DIO1: variants seen among roughly 807,000 people sequenced by gnomAD.
DIO1 encodes the protein type I iodothyronine deiodinase.
A neutral mutation model predicts 25.9 loss-of-function variants in DIO1; 17 were observed. That is an observed-to-expected ratio of 0.66 (90% CI 0.45 to 0.98). The LOEUF is 0.98. Among genes scored for constraint, DIO1 ranks in the 50% least tolerant of loss-of-function variants. DIO1 has a pLI of 0.00. For missense variants in DIO1, 270 were observed against 310.4 expected, an observed-to-expected ratio of 0.87 and a Z score of 0.98; for synonymous variants, 115 against 114.0, an observed-to-expected ratio of 1.01 and a Z score of -0.05.
At chr1:53,896,011 C>T (rs1651053300) in intron 1 of DIO1, among the ~76,000 whole-genome samples, 1 of 152,084 alleles carries the variant, frequency 6.6e-6, no homozygotes, top group African/African-American at 2.4e-5. Context: ...TCTCCTTGGA[C>T]ACTGCTGCTT....
chr1:53,898,831 T>C (rs1230634277), intron 1 of DIO1, among the ~76,000 whole-genome samples: 3 of 151,576 alleles, frequency 2.0e-5, no homozygotes, highest in African/African-American at 7.3e-5. Context: ...GCTTTGGGTA[T>C]AAACTCTGAA....
At chr1:53,898,340 G>C (rs1651183738) in intron 1 of DIO1, among the ~76,000 whole-genome samples, 1 of 152,174 alleles carries the variant, frequency 6.6e-6, no homozygotes, top group South Asian at 2.1e-4. Context: ...TCAGGAACCA[G>C]AGCTTACGGG....
Position 53,904,792 on chromosome 1 carries a change from A to G in DIO1, c.464A>G (p.Glu155Gly). Residue 155 changes from glutamate (E) to glycine (G), a missense_variant, in exon 2 of 4, where the codon GAA (glutamate) becomes GGA (glycine). Coordinates refer to ENST00000361921, the MANE Select transcript of DIO1 (RefSeq NM_000792.7). ...SIADFLVIYIEEAHASDGWAF... is the reference protein window; with the variant it reads ...SIADFLVIYIGEAHASDGWAF... ...GCAGATTTTCTTGTCATTTACATTG[A>G]AGAAGCACATGCATCAGGTACAGAA... 1 of 1,612,338 alleles carries G rather than the reference A, an allele frequency of 6.2e-7. No individual in the cohort carries two copies. Among genetic ancestry groups the G allele is most frequent in the Non-Finnish European group, 8.5e-7 (1 of 1,179,248 alleles).
intron 1 of DIO1, among the ~76,000 whole-genome samples, chr1:53,897,066 T>A (rs1293205837): frequency 2.0e-5 from 3 of 152,262 alleles, no homozygotes; most frequent in African/African-American, 7.2e-5. Context: ...ATTTGCTGAA[T>A]GCCAGTCATC....
intron 3 of DIO1, among the ~76,000 whole-genome samples, chr1:53,908,083 A>G (rs1464135141): frequency 6.8e-6 from 1 of 146,086 alleles, no homozygotes; most frequent in African/African-American, 2.5e-5. Context: ...TTAGCCAGGC[A>G]TGGTGGCATG....
intron 1 of DIO1, among the ~76,000 whole-genome samples, chr1:53,898,680 G>A (rs1651203790): frequency 6.8e-6 from 1 of 146,384 alleles, no homozygotes; most frequent in African/African-American, 2.5e-5. Flanking sequence ...GGGAGGTGGA[G>A]TTTGTAGTGA....
At chr1:53,898,826 G>T (rs1287431337) in intron 1 of DIO1, among the ~76,000 whole-genome samples, 1 of 151,794 alleles carries the variant, frequency 6.6e-6, no homozygotes, top group African/African-American at 2.4e-5. Flanking sequence ...TGTATGCTTT[G>T]GGTATAAACT....
At chr1:53,900,758 A>G (rs1348000891) in intron 1 of DIO1, among the ~76,000 whole-genome samples, 1 of 152,010 alleles carries the variant, frequency 6.6e-6, no homozygotes, top group Admixed American at 6.6e-5. Flanking sequence ...AACCCTGTCA[A>G]TTCTGCCTTC....
At position 53,909,976 on chromosome 1, in the gene DIO1, G is replaced by C; in HGVS notation, c.727G>C (p.Val243Leu). The change falls in exon 4 of 4, where the codon GTT (valine) becomes CTT (leucine). Residue 243 changes from valine to leucine, a missense_variant. Coordinates refer to ENST00000361921, the MANE Select transcript of DIO1 (RefSeq NM_000792.7). Reference protein sequence around the residue: ...WNYNPEEVRAVLEKLHS With the variant: ...WNYNPEEVRALLEKLHS ...CTACAACCCAGAGGAAGTTCGTGCT[G>C]TTCTGGAAAAGCTCCACAGTTAATC... 1 of 1,614,190 alleles carries C rather than the reference G, an allele frequency of 6.2e-7. No homozygotes were observed. Among genetic ancestry groups the C allele is most frequent in the African/African-American group, 1.3e-5 (1 of 75,050 alleles).
chr1:53,908,087 T>G lies in DIO1; in HGVS notation c.681+1793T>G, dbSNP rs1651751809. ...AAATACAAAAATTAGCCAGGCATGG[T>G]GGCATGTGCCTATAATCCCAGCTAC... On this transcript the variant is annotated intron_variant, in intron 3 of 3. Coordinates refer to ENST00000361921, the MANE Select transcript of DIO1 (RefSeq NM_000792.7). 2.6e-5 allele frequency among the ~76,000 whole-genome samples: 4 copies of G among 151,654 alleles called. No homozygotes were observed. The South Asian group carries it at 8.3e-4, about 32-fold the overall frequency.
chr1:53,900,473 G>A (rs1651301563), intron 1 of DIO1, among the ~76,000 whole-genome samples: 1 of 152,134 alleles, frequency 6.6e-6, no homozygotes, highest in Non-Finnish European at 1.5e-5. Flanking sequence ...GCATGGTGGT[G>A]CACGCTTGTA....
At chr1:53,905,953 C>G in intron 2 of DIO1, 142 bp from the exon 3 acceptor site, 1 of 725,628 alleles carries the variant, frequency 1.4e-6, no homozygotes, top group Non-Finnish European at 2.3e-6. Flanking sequence ...CGTGACCTTG[C>G]ACATTCAACC....
intron 1 of DIO1, among the ~76,000 whole-genome samples, chr1:53,903,576 C>T (rs1015724682): frequency 4.6e-5 from 7 of 151,834 alleles, no homozygotes; most frequent in African/African-American, 1.7e-4. Flanking sequence ...AGGCTGGGCA[C>T]GGTGGCTCAG....
At chr1:53,904,568 A>C (rs1403213855) in intron 1 of DIO1, 98 bp from the exon 2 acceptor site, 1 of 1,455,300 alleles carries the variant, frequency 6.9e-7, no homozygotes, top group Non-Finnish European at 9.3e-7. Context: ...GGGTAGGGGG[A>C]AATAAAAATA....
At chr1:53,905,482 G>A (rs1651609288) in intron 2 of DIO1, among the ~76,000 whole-genome samples, 1 of 152,034 alleles carries the variant, frequency 6.6e-6, no homozygotes, top group Admixed American at 6.6e-5. Flanking sequence ...GCCTATATTT[G>A]TATTTTTGAA....
chr1:53,894,700 C>T lies in DIO1; in HGVS notation c.337+153C>T, dbSNP rs1341691505. ...TTCCTGCTTCCTGAAACTAGAACTT[C>T]TTGTGGATTGTTTCTCTAAGTAACA... On this transcript the variant is annotated intron_variant, in intron 1 of 3. Transcript: ENST00000361921. The surrounding 1 kb of genome is among the most constrained non-coding windows in gnomAD (Gnocchi z 4.9). Among the ~76,000 whole-genome samples, 2 of 152,198 alleles carry T rather than the reference C, an allele frequency of 1.3e-5. No individual in the cohort carries two copies. The highest frequency in any genetic ancestry group is 3.9e-4 in the East Asian group (2 of 5,194).
chr1:53,904,980 T>C, intron 2 of DIO1, 171 bp downstream of exon 2: 1 of 617,144 alleles, frequency 1.6e-6, no homozygotes, highest in Non-Finnish European at 2.7e-6. Context: ...TGGGCTAACC[T>C]CACAGTCTGT....
At chr1:53,901,672 A>G (rs1296257516) in intron 1 of DIO1, among the ~76,000 whole-genome samples, 1 of 152,186 alleles carries the variant, frequency 6.6e-6, no homozygotes, top group African/African-American at 2.4e-5. Context: ...CATAAATAGA[A>G]TACAAAATAG....
At chr1:53,909,276 C>T (rs577092916) in intron 3 of DIO1, among the ~76,000 whole-genome samples, 13 of 150,404 alleles carry the variant, frequency 8.6e-5, no homozygotes, top group East Asian at 1.9e-4. Context: ...ATTAGCCAGG[C>T]GTGGTGGAGT....
Sources: allele counts gnomAD v4.1 joint callset (sites outside exome capture counted in the v4.1 genomes callset), GRCh38; gene constraint gnomAD v4.1.1; non-coding constraint Gnocchi (gnomAD v3.1); transcripts MANE v1.5; gene names NCBI Gene and HGNC (gene_info 2026-07-23, HGNC 2026-07-21).